The following SI variants were observed in gnomAD, a reference collection of about 807,000 sequenced individuals.
SI encodes sucrase-isomaltase.
Under a neutral mutation model 253.3 loss-of-function variants are expected in SI, and 235 were observed. The ratio of observed to expected loss-of-function variants is 0.93; its 90% CI spans 0.83 to 1.03. The LOEUF is 1.03. Among genes scored for constraint, SI ranks in the 50% least tolerant of loss-of-function variants. The pLI is 0.00. For missense variants in SI, 2,442 were observed against 2,211.1 expected, an observed-to-expected ratio of 1.10 and a Z score of -2.09; for synonymous variants, 819 against 712.0, an observed-to-expected ratio of 1.15 and a Z score of -2.39.
At chr3:165,028,356 C>G (rs1472413636) in intron 25 of SI, among the ~76,000 whole-genome samples, 1 of 151,342 alleles carries the variant, frequency 6.6e-6, no homozygotes, top group African/African-American at 2.4e-5. Flanking sequence ...GTGAAAATGA[C>G]CATACTGCCA....
At chr3:165,017,903 A>G (rs1719118814) in intron 29 of SI, 30 bp from the exon 30 acceptor site, 2 of 1,583,830 alleles carry the variant, frequency 1.3e-6, no homozygotes, top group East Asian at 4.5e-5. Context: ...TCCCATTTTC[A>G]TCTATGTATA....
chr3:165,010,349 C>T (rs1358618429), intron 34 of SI, among the ~76,000 whole-genome samples: 3 of 152,002 alleles, frequency 2.0e-5, no homozygotes, highest in East Asian at 3.9e-4. Flanking sequence ...TTAGTAGAGA[C>T]GGGGTTTCAC....
Position 165,019,689 on chromosome 3 carries a change from A to C in SI, c.3336T>G (p.Tyr1112Ter). 1 of 1,611,786 alleles carries C rather than the reference A, an allele frequency of 6.2e-7. No individual in the cohort carries two copies. Among genetic ancestry groups the C allele is most frequent in the South Asian group, 1.1e-5 (1 of 91,048 alleles). The change falls in exon 28 of 48, where the codon TAT (tyrosine) becomes TAG (stop). Residue 1112 changes from tyrosine (Y) to a stop codon, truncating the protein, a stop_gained. Coordinates refer to ENST00000264382, the MANE Select transcript of SI (RefSeq NM_001041.4). LOFTEE classifies it high-confidence loss of function. ...ISTRLPSEYI[Y>*]GFGEVEHTAF... ...CTGTATGTTCCACTTCCCCAAAACC[A>C]TATATATATTCTGATGGCAGGCGAG...
intron 12 of SI, 131 bp from the exon 13 acceptor site, chr3:165,055,438 T>C (rs944787900): frequency 3.6e-5 from 20 of 558,416 alleles, no homozygotes; most frequent in Non-Finnish European, 6.0e-5. Context: ...ATGTGACTCA[T>C]ATATAAATTT....
At chr3:165,016,166 G>A in intron 31 of SI, 86 bp from the exon 32 acceptor site, 2 of 1,244,964 alleles carry the variant, frequency 1.6e-6, no homozygotes, top group Non-Finnish European at 2.4e-6. Flanking sequence ...AAAAGTAACA[G>A]CAATATGAAA....
chr3:165,028,469 C>T (rs1189520170), intron 25 of SI, among the ~76,000 whole-genome samples: 2 of 151,336 alleles, frequency 1.3e-5, no homozygotes, highest in Non-Finnish European at 3.0e-5. Flanking sequence ...CAAAAAAGAC[C>T]ATGCATAGCA....
At position 164,994,332 on chromosome 3, in the gene SI, A is replaced by C; in HGVS notation, c.4766T>G (p.Leu1589Ter). The change falls in exon 41 of 48, where the codon TTA becomes TGA. Residue 1589 changes from leucine to a stop codon, truncating the protein, a stop_gained. Transcript: ENST00000264382. LOFTEE classifies it high-confidence loss of function. ...CATTTGTGTGTAAAAATAGGGCAAT[A>C]AGGTGTATCTAATATTTAGAATATT... ...SRNILNIRYTLLPYFYTQMHE... is the reference protein window; with the variant it reads ...SRNILNIRYT 1 of 1,610,996 alleles carries C rather than the reference A, an allele frequency of 6.2e-7. No homozygotes were observed. The highest frequency in any genetic ancestry group is 8.5e-7 in the Non-Finnish European group (1 of 1,177,800).
Position 165,052,613 on chromosome 3 carries a change from C to T in SI, c.1512+2581G>A, listed in dbSNP as rs75384249. ...CGGAGGTTGCAGTGAGCCAAGTTAGCGCCACAGCACTACAGCCTGGGTGAC... is the reference window on the plus strand; with the variant it reads ...CGGAGGTTGCAGTGAGCCAAGTTAGTGCCACAGCACTACAGCCTGGGTGAC... On this transcript the variant is annotated intron_variant, in intron 13 of 47. Coordinates refer to ENST00000264382, the MANE Select transcript of SI (RefSeq NM_001041.4). Among the ~76,000 whole-genome samples the T allele has an allele frequency of 4.1e-3, 621 of 151,962 alleles. 4 individuals carry two copies. Among genetic ancestry groups the T allele is most frequent in the African/African-American group, 0.014 (582 of 41,450 alleles).
chr3:165,068,793 G>A lies in SI; in HGVS notation c.412C>T (p.Leu138=). 6.2e-7 allele frequency: 1 copy of A among 1,613,716 alleles called. No homozygotes were observed. Among genetic ancestry groups the A allele is most frequent in the Non-Finnish European group, 8.5e-7 (1 of 1,179,776 alleles). Residue 138 remains leucine (L), a synonymous_variant, in exon 5 of 48, where the codon CTA becomes TTA. Coordinates refer to ENST00000264382, the MANE Select transcript of SI (RefSeq NM_001041.4). ...AKLNRIPSPT[L]FGNDINSVLF... Reference sequence around the variant, plus strand: ...ACACTGTTGATGTCATTTCCAAATAGTGTAGGTGAAGGTATCCTGTTTAAT... The same window carrying A: ...ACACTGTTGATGTCATTTCCAAATAATGTAGGTGAAGGTATCCTGTTTAAT...
intron 22 of SI, among the ~76,000 whole-genome samples, chr3:165,036,011 G>T (rs1166848708): frequency 6.6e-6 from 1 of 151,506 alleles, no homozygotes; most frequent in Non-Finnish European, 1.5e-5. Flanking sequence ...TTTAAATGTT[G>T]GTTTTATTTT....
chr3:165,003,092 A>G (rs1718331990), intron 37 of SI, among the ~76,000 whole-genome samples: 1 of 151,864 alleles, frequency 6.6e-6, no homozygotes, highest in Non-Finnish European at 1.5e-5. Context: ...TGAACTTATC[A>G]AAACAACTTT....
the SI span, among the ~76,000 whole-genome samples, chr3:165,084,143 C>T: frequency 6.6e-6 from 1 of 151,910 alleles, no homozygotes; most frequent in Non-Finnish European, 1.5e-5. Flanking sequence ...ATAAAAAAGG[C>T]CCCAAAAAGA....
upstream of SI, among the ~76,000 whole-genome samples, chr3:165,079,958 A>G (rs1715242470): frequency 6.6e-6 from 1 of 151,966 alleles, no homozygotes; most frequent in Non-Finnish European, 1.5e-5. Flanking sequence ...AGATCTACAC[A>G]TAAAATATAA....
At chr3:165,039,678 C>T (rs1261027696) in intron 19 of SI, among the ~76,000 whole-genome samples, 1 of 151,736 alleles carries the variant, frequency 6.6e-6, no homozygotes, top group African/African-American at 2.4e-5. Context: ...TTTCTTGTCC[C>T]CAGTTAGATA....
At chr3:164,990,052 C>T (rs554846297) in intron 44 of SI, among the ~76,000 whole-genome samples, 1 of 151,870 alleles carries the variant, frequency 6.6e-6, no homozygotes, top group African/African-American at 2.4e-5. Flanking sequence ...AACAGTGAAC[C>T]CTAATGTAAA....
At chr3:165,020,321 T>G (rs1711534380) in intron 27 of SI, among the ~76,000 whole-genome samples, 1 of 151,684 alleles carries the variant, frequency 6.6e-6, no homozygotes, top group Non-Finnish European at 1.5e-5. Flanking sequence ...AAGAAACATA[T>G]TATTATTCAA....
At chr3:164,982,444 T>C (rs1481987860) in intron 46 of SI, 34 bp from the exon 47 acceptor site, 1 of 1,514,670 alleles carries the variant, frequency 6.6e-7, no homozygotes, top group Non-Finnish European at 9.1e-7. Flanking sequence ...ACATAAACAC[T>C]TTATTTGCAA....
the SI span, among the ~76,000 whole-genome samples, chr3:165,083,516 C>T: frequency 2.6e-5 from 4 of 152,060 alleles, no homozygotes; most frequent in East Asian, 3.9e-4. Context: ...TACCCTAGAT[C>T]GTTCACCTTC....
At chr3:165,071,467 T>G (rs1679290832) in intron 3 of SI, among the ~76,000 whole-genome samples, 1 of 151,258 alleles carries the variant, frequency 6.6e-6, no homozygotes, top group Non-Finnish European at 1.5e-5. Context: ...TTTTATCATA[T>G]ATATGTATAT....
Sources: allele counts gnomAD v4.1 joint callset (sites outside exome capture counted in the v4.1 genomes callset), GRCh38; gene constraint gnomAD v4.1.1; transcripts MANE v1.5; gene names NCBI Gene and HGNC (gene_info 2026-07-23, HGNC 2026-07-21).